The following CEP135 variants were observed in gnomAD, a reference collection of about 807,000 sequenced individuals.
CEP135 encodes centrosomal protein of 135 kDa.
CEP135 carries 142 observed loss-of-function variants against 157.3 expected under a neutral mutation model. That is an observed-to-expected ratio of 0.90 (90% confidence interval 0.79 to 1.04). The LOEUF (loss-of-function observed/expected upper bound fraction) is 1.04, where lower values mean the gene tolerates loss of function less well. CEP135 is among the 50% of genes least tolerant of loss of function. CEP135 has a pLI of 0.00. For synonymous variants in CEP135, 396 were observed against 439.8 expected (o/e 0.90, Z 1.25); for missense variants, 1,317 against 1,309.2 (o/e 1.01, Z -0.09).
At chr4:55,961,171 A>G (rs1728669057) in intron 6 of CEP135, among the ~76,000 whole-genome samples, 1 of 151,040 alleles carries the variant, frequency 6.6e-6, no homozygotes, top group African/African-American at 2.4e-5. Flanking sequence ...GAGATGTTGA[A>G]AATATCCAAT....
chr4:55,985,192 A>T (rs572177446), intron 13 of CEP135, 89 bp from the exon 14 acceptor site: 314 of 613,044 alleles, frequency 5.1e-4, no homozygotes, highest in Non-Finnish European at 8.8e-4. Context: ...AATACAATAT[A>T]ATAGAACTGT....
chr4:55,986,799 T>C (rs1215361239), intron 14 of CEP135, among the ~76,000 whole-genome samples: 1 of 152,228 alleles, frequency 6.6e-6, no homozygotes, highest in East Asian at 1.9e-4. Context: ...CAACCTTTGA[T>C]GTGTTTTGTT....
intron 22 of CEP135, among the ~76,000 whole-genome samples, chr4:56,018,838 C>G (rs557459863): frequency 6.6e-6 from 1 of 152,194 alleles, no homozygotes; most frequent in African/African-American, 2.4e-5. Flanking sequence ...CGATAAAAAT[C>G]TCAAGGTGTT....
Position 55,971,251 on chromosome 4 carries a change from A to G in CEP135, c.1111-19A>G. ...TATAAAGTTGTTAGAAATCTTAATT[A>G]TAGTATTAAAATTTGCAGGAATTGA... On this transcript the variant is annotated intron_variant, in intron 9 of 25. Coordinates refer to ENST00000257287, the MANE Select transcript of CEP135 (RefSeq NM_025009.5). The G allele has an allele frequency of 6.5e-7, 1 of 1,530,178 alleles. No homozygotes were observed. Among genetic ancestry groups the G allele is most frequent in the East Asian group, 2.3e-5 (1 of 43,734 alleles). 94.8% of individuals were successfully genotyped at this position (1,530,178 alleles called of 1,614,324 possible). A position where few individuals can be genotyped will look rare whatever the true frequency, so the allele number is the denominator to read the frequency against.
At chr4:56,023,062 A>G (rs867698887) in intron 24 of CEP135, among the ~76,000 whole-genome samples, 8 of 151,924 alleles carry the variant, frequency 5.3e-5, no homozygotes, top group African/African-American at 1.7e-4. Context: ...TATGACCCCT[A>G]TCTCTAAAAA....
intron 14 of CEP135, among the ~76,000 whole-genome samples, chr4:55,985,960 T>C (rs148078927): frequency 6.8e-4 from 103 of 152,022 alleles, no homozygotes; most frequent in Non-Finnish European, 1.0e-3. Context: ...CACAAAATAG[T>C]ATACTAGAAA....
intron 22 of CEP135, 120 bp downstream of exon 22, chr4:56,017,977 T>C: frequency 2.3e-6 from 2 of 869,854 alleles, no homozygotes; most frequent in Non-Finnish European, 3.4e-6. Flanking sequence ...ACTTTTTTTT[T>C]TGTGATGGAG....
At chr4:55,975,472 G>A (rs1577878782) in intron 11 of CEP135, among the ~76,000 whole-genome samples, 1 of 152,264 alleles carries the variant, frequency 6.6e-6, no homozygotes, top group Non-Finnish European at 1.5e-5. Flanking sequence ...AGATTGTTTT[G>A]TTTGTCCACT....
chr4:55,971,469 T>C (rs1729025849), intron 10 of CEP135, 61 bp downstream of exon 10: 2 of 1,454,710 alleles, frequency 1.4e-6, no homozygotes, highest in African/African-American at 2.9e-5. Flanking sequence ...TGTATTGTTT[T>C]TCTTAGTAGA....
intron 21 of CEP135, among the ~76,000 whole-genome samples, chr4:56,016,703 T>A (rs958662096): frequency 6.6e-6 from 1 of 152,062 alleles, no homozygotes; most frequent in Admixed American, 6.6e-5. Flanking sequence ...AGAGTCAGGG[T>A]CTTGCACCAT....
intron 14 of CEP135, among the ~76,000 whole-genome samples, chr4:55,990,627 G>A (rs555416356): frequency 6.6e-6 from 1 of 151,872 alleles, no homozygotes; most frequent in South Asian, 2.1e-4. Context: ...GCCTCCCTAG[G>A]AGCTAGGACT....
chr4:55,999,746 G>A, intron 17 of CEP135, 101 bp downstream of exon 17: 1 of 1,208,622 alleles, frequency 8.3e-7, no homozygotes, highest in Non-Finnish European at 1.2e-6. Flanking sequence ...AGGCTGGAGT[G>A]CAGTGGCATG....
At chr4:56,005,698 C>T (rs1056000642) in intron 17 of CEP135, among the ~76,000 whole-genome samples, 1 of 152,126 alleles carries the variant, frequency 6.6e-6, no homozygotes, top group Non-Finnish European at 1.5e-5. Context: ...GGGTTTTATA[C>T]CTTCAAATGT....
intron 14 of CEP135, among the ~76,000 whole-genome samples, chr4:55,987,918 G>C (rs1324423310): frequency 6.6e-6 from 1 of 152,086 alleles, no homozygotes; most frequent in African/African-American, 2.4e-5. Context: ...TGATTTTCTA[G>C]ATATGAAAAC....
At chr4:55,958,104 T>TG (rs1182725372) in intron 5 of CEP135, among the ~76,000 whole-genome samples, 6 of 152,090 alleles carry the variant, frequency 3.9e-5, no homozygotes, top group Non-Finnish European at 7.4e-5. Flanking sequence ...ACAGAGAATG[T>TG]GGGGGGTTTT....
At chr4:55,961,101 CAAAAAAAAA>C (rs59483327) in intron 6 of CEP135, among the ~76,000 whole-genome samples, 1 of 70,000 alleles carries the variant, frequency 1.4e-5, no homozygotes, top group Non-Finnish European at 3.1e-5. Context: ...GACTCTGTCT[CAAAAAAAAA>C]AAAAAAAAAA....
At chr4:56,004,779 C>G (rs1488792271) in intron 17 of CEP135, among the ~76,000 whole-genome samples, 2 of 151,984 alleles carry the variant, frequency 1.3e-5, no homozygotes, top group African/African-American at 4.8e-5. Context: ...CACTTTCAGT[C>G]TTATTTGTGT....
At position 55,988,853 on chromosome 4, in the gene CEP135, C is replaced by T. The variant is rs574986890; in HGVS notation, c.1858-3081C>T. On this transcript the variant is annotated intron_variant, in intron 14 of 25. Coordinates refer to ENST00000257287, the MANE Select transcript of CEP135 (RefSeq NM_025009.5). ...GCGGGCGCATGTAGTCCCAGCTACTCGGGAGGCTGAGGCAGGAGAATGGCA... is the reference window on the plus strand; with the variant it reads ...GCGGGCGCATGTAGTCCCAGCTACTTGGGAGGCTGAGGCAGGAGAATGGCA... Among the ~76,000 whole-genome samples, 221 of 145,112 alleles carry T rather than the reference C, an allele frequency of 1.5e-3. 2 individuals carry two copies. The highest frequency in any genetic ancestry group is 5.1e-3 in the African/African-American group (200 of 39,084).
chr4:55,973,637 T>G (rs1729097762), intron 10 of CEP135, among the ~76,000 whole-genome samples: 1 of 152,234 alleles, frequency 6.6e-6, no homozygotes, highest in Non-Finnish European at 1.5e-5. Context: ...GTACTGTTTT[T>G]TCCCGTTGGC....
Sources: gnomAD v4.1 joint callset for allele counts (sites outside exome capture counted in the v4.1 genomes callset) on GRCh38, gnomAD v4.1.1 for gene constraint, MANE v1.5 for transcripts, NCBI Gene and HGNC (gene_info 2026-07-23, HGNC 2026-07-21) for gene names.